IAPP: variants seen among roughly 807,000 people sequenced by gnomAD.
IAPP encodes Islet amyloid polypeptide (diabetes-associated peptide; amylin).
Under a neutral mutation model 2.9 loss-of-function variants are expected in IAPP, and 4 were observed. That is an observed-to-expected ratio of 1.39 (90% CI 0.69 to 3.19). The LOEUF (loss-of-function observed/expected upper bound fraction) is 3.19. IAPP is among the 30% of genes most tolerant of loss of function. IAPP has a pLI of 0.01. For missense variants in IAPP, 114 were observed against 105.3 expected (o/e 1.08, Z -0.36); for synonymous variants, 40 against 42.1 (o/e 0.95, Z 0.19).
At chr12:21,360,672 C>A (rs574803669) in intron 1 of IAPP, among the ~76,000 whole-genome samples, 71 of 152,278 alleles carry the variant, frequency 4.7e-4, no homozygotes, top group African/African-American at 1.7e-3. Context: ...CCTGGAAAAT[C>A]GGGACACTCC....
chr12:21,375,771 A>T (rs1168269621), intron 2 of IAPP, among the ~76,000 whole-genome samples: 3 of 152,216 alleles, frequency 2.0e-5, no homozygotes, highest in African/African-American at 7.2e-5. Context: ...TTTAAGAGTT[A>T]TACTTTGGCT....
At chr12:21,362,075 C>T (rs1287882666) in intron 1 of IAPP, among the ~76,000 whole-genome samples, 5 of 152,052 alleles carry the variant, frequency 3.3e-5, no homozygotes, top group Non-Finnish European at 7.4e-5. Context: ...AGAAGAGAAA[C>T]TCCAAGACAC....
At chr12:21,363,187 C>T (rs1939074356) in intron 1 of IAPP, among the ~76,000 whole-genome samples, 1 of 152,140 alleles carries the variant, frequency 6.6e-6, no homozygotes, top group South Asian at 2.1e-4. Flanking sequence ...GAAATTATAA[C>T]AAACTGTCTC....
chr12:21,356,446 A>G (rs1565513532), intron 1 of IAPP, among the ~76,000 whole-genome samples: 1 of 152,016 alleles, frequency 6.6e-6, no homozygotes, highest in Non-Finnish European at 1.5e-5. Flanking sequence ...TTTATACCTA[A>G]AGATAACAAT....
chr12:21,361,868 A>G (rs1938922985), intron 1 of IAPP, among the ~76,000 whole-genome samples: 1 of 152,192 alleles, frequency 6.6e-6, no homozygotes, highest in Non-Finnish European at 1.5e-5. Context: ...AGAAATGAAC[A>G]AAGCCTCCAA....
chr12:21,373,862 C>T, intron 2 of IAPP: 1 of 493,974 alleles, frequency 2.0e-6, no homozygotes. Context: ...TCAGATGTCT[C>T]TGGAAATGTT....
chr12:21,371,521 C>G (rs1227575066), upstream of IAPP, among the ~76,000 whole-genome samples: 1 of 152,020 alleles, frequency 6.6e-6, no homozygotes, highest in African/African-American at 2.4e-5. Flanking sequence ...TACCAAACAC[C>G]TTCAAACAAT....
At chr12:21,364,992 A>G (rs916953113) in intron 1 of IAPP, among the ~76,000 whole-genome samples, 7 of 152,210 alleles carry the variant, frequency 4.6e-5, no homozygotes, top group Non-Finnish European at 7.3e-5. Flanking sequence ...TATAGATTCA[A>G]TGCCATCCCC....
chr12:21,372,674 C>T (rs1015378022), upstream of IAPP, among the ~76,000 whole-genome samples: 1 of 152,230 alleles, frequency 6.6e-6, no homozygotes, highest in Non-Finnish European at 1.5e-5. Context: ...CAAATTCAAA[C>T]TTCTGCTGTG....
upstream of IAPP, among the ~76,000 whole-genome samples, chr12:21,372,481 A>G (rs947924597): frequency 2.6e-5 from 4 of 151,818 alleles, no homozygotes; most frequent in Admixed American, 2.0e-4. Context: ...TTATATCTCC[A>G]TTTATTCCTG....
At chr12:21,366,330 A>G (rs1386012573) in intron 1 of IAPP, among the ~76,000 whole-genome samples, 1 of 144,996 alleles carries the variant, frequency 6.9e-6, no homozygotes, top group African/African-American at 2.5e-5. Flanking sequence ...GTTCTCACTC[A>G]TAGGTGAGAA....
chr12:21,368,694 A>G (rs1939569717), upstream of IAPP, among the ~76,000 whole-genome samples: 2 of 152,124 alleles, frequency 1.3e-5, no homozygotes, highest in African/African-American at 4.8e-5. Flanking sequence ...AGGTAGGAAT[A>G]TAGAGTGAGC....
At chr12:21,361,278 T>G (rs1430261025) in intron 1 of IAPP, among the ~76,000 whole-genome samples, 1 of 152,192 alleles carries the variant, frequency 6.6e-6, no homozygotes, top group African/African-American at 2.4e-5. Context: ...AAACAGGGTC[T>G]GGAGTGGACC....
At chr12:21,378,096 T>G (rs1478350807) in intron 2 of IAPP, 141 bp from the exon 3 acceptor site, 4 of 681,042 alleles carry the variant, frequency 5.9e-6, no homozygotes, top group Non-Finnish European at 7.5e-6. Flanking sequence ...GCCATCTAGG[T>G]GTTTGCAAAC....
At chr12:21,367,006 T>C (rs1939438876) in intron 1 of IAPP, among the ~76,000 whole-genome samples, 1 of 151,938 alleles carries the variant, frequency 6.6e-6, no homozygotes. Flanking sequence ...ATACACTGAG[T>C]TTCCAGCTCA....
At chr12:21,371,395 C>G (rs927849763), upstream of IAPP, among the ~76,000 whole-genome samples, 3 of 140,262 alleles carry the variant, frequency 2.1e-5, no homozygotes, top group Non-Finnish European at 4.6e-5. Flanking sequence ...CCTTCCATTT[C>G]TTTTGATTTT....
At chr12:21,371,092 A>G (rs1239376588), upstream of IAPP, among the ~76,000 whole-genome samples, 3 of 152,194 alleles carry the variant, frequency 2.0e-5, no homozygotes, top group African/African-American at 7.2e-5. Context: ...TTTTAACTAC[A>G]TGCAGATTAA....
intron 1 of IAPP, among the ~76,000 whole-genome samples, chr12:21,362,919 G>A (rs983987219): frequency 1.3e-5 from 2 of 152,110 alleles, no homozygotes; most frequent in African/African-American, 2.4e-5. Context: ...CCTACAAAGA[G>A]ACTTAGACTC....
intron 1 of IAPP, among the ~76,000 whole-genome samples, chr12:21,366,100 G>A (rs1000715124): frequency 5.3e-5 from 8 of 152,132 alleles, no homozygotes; most frequent in East Asian, 1.9e-4. Context: ...ACATGCATAC[G>A]TATGTTTATT....
Sources: allele counts gnomAD v4.1 joint callset (sites outside exome capture counted in the v4.1 genomes callset), GRCh38; gene constraint gnomAD v4.1.1; transcripts MANE v1.5; gene names NCBI Gene and HGNC (gene_info 2026-07-23, HGNC 2026-07-21).